The following CPQ variants were observed in gnomAD, a reference collection of about 807,000 sequenced individuals.
CPQ encodes carboxypeptidase Q.
Under a neutral mutation model 45.7 loss-of-function variants are expected in CPQ, and 37 were observed. The ratio of observed to expected loss-of-function variants is 0.81; its 90% CI spans 0.62 to 1.07. The LOEUF (loss-of-function observed/expected upper bound fraction) is 1.07. Ranked by LOEUF, CPQ falls within the 50% of genes least tolerant of loss-of-function variation. The probability of loss-of-function intolerance (pLI) is 0.00; values close to 1 mark genes in which losing one functional copy is unlikely to be tolerated. For missense variants in CPQ, 537 were observed against 572.9 expected (o/e 0.94, Z 0.64); for synonymous variants, 186 against 205.8 (o/e 0.90, Z 0.82).
At chr8:96,908,107 C>CGTGTGTGTGTGT (rs35548556) in intron 4 of CPQ, among the ~76,000 whole-genome samples, 5 of 145,816 alleles carry the variant, frequency 3.4e-5, no homozygotes, top group African/African-American at 7.6e-5. Context: ...CCCACTGCAA[C>CGTGTGTGTGTGT]GTGTGTGTGT....
intron 1 of CPQ, among the ~76,000 whole-genome samples, chr8:96,774,127 C>T (rs142353624): frequency 0.022 from 3,356 of 152,042 alleles, 135 homozygotes; most frequent in African/African-American, 0.077. Flanking sequence ...AAAAATTAGC[C>T]GGGCACAGTG....
intron 7 of CPQ, among the ~76,000 whole-genome samples, chr8:97,080,151 G>A (rs80129139): frequency 1.3e-5 from 2 of 152,100 alleles, no homozygotes; most frequent in Non-Finnish European, 1.5e-5. Flanking sequence ...CATTTTCTTC[G>A]ATGTTTTGCT....
chr8:97,100,352 A>G (rs1472142731), intron 7 of CPQ, among the ~76,000 whole-genome samples: 1 of 152,204 alleles, frequency 6.6e-6, no homozygotes, highest in Non-Finnish European at 1.5e-5. Flanking sequence ...AGAGCCATAG[A>G]GCTATAGACT....
chr8:97,037,435 A>T (rs1306372938), intron 6 of CPQ, among the ~76,000 whole-genome samples: 1 of 152,234 alleles, frequency 6.6e-6, no homozygotes, highest in African/African-American at 2.4e-5. Flanking sequence ...AGCCTTTCTT[A>T]TATCTTTAAT....
intron 2 of CPQ, among the ~76,000 whole-genome samples, chr8:96,834,169 G>T (rs1184770926): frequency 1.3e-5 from 2 of 152,160 alleles, no homozygotes; most frequent in Non-Finnish European, 2.9e-5. Context: ...AATTTTGAAT[G>T]ATTTCTTGGA....
intron 2 of CPQ, among the ~76,000 whole-genome samples, chr8:96,822,525 A>G (rs1362462236): frequency 3.3e-5 from 5 of 151,948 alleles, no homozygotes; most frequent in African/African-American, 7.2e-5. Context: ...TGGCATTCTC[A>G]ATTTACATTC....
chr8:97,132,955 A>C (rs1811981908), intron 7 of CPQ: 1 of 152,230 alleles, frequency 6.6e-6, no homozygotes, highest in Non-Finnish European at 1.5e-5. Flanking sequence ...ACAATTCAAA[A>C]TACAGTGGTA....
intron 3 of CPQ, among the ~76,000 whole-genome samples, chr8:96,845,438 A>G (rs1402267975): frequency 6.6e-6 from 1 of 152,246 alleles, no homozygotes. Context: ...AAGACAATAG[A>G]GAACCAATTA....
rs550622260 is a variant in CPQ at position 96,968,963 on chromosome 8, T to C, written c.961+2917T>C. ...GTCTGTGGTTTACTGGACTTGAAAC[T>C]GTTTATTTGAAATGTTATTTTCTGG... On this transcript the variant is annotated intron_variant, in intron 5 of 7. Transcript: ENST00000220763. Among the ~76,000 whole-genome samples the C allele has an allele frequency of 2.0e-4, 31 of 152,358 alleles. 2 individuals carry two copies. In the South Asian group the frequency reaches 4.3e-3, roughly 21 times the overall value.
At position 96,907,184 on chromosome 8, in the gene CPQ, A is replaced by G. The variant is rs182954181; in HGVS notation, c.849+27179A>G. Among the ~76,000 whole-genome samples, 598 of 152,330 alleles carry G rather than the reference A, an allele frequency of 3.9e-3. 9 individuals are homozygous for G. The highest frequency in any genetic ancestry group is 4.4e-3 in the Non-Finnish European group (301 of 68,032). ...TAACAAAGAAGTTTATTTACTGCTC[A>G]TGTAGCAATCCTGGTATGAGTAGTC... On this transcript the variant is annotated intron_variant, in intron 4 of 7. Coordinates refer to ENST00000220763, the MANE Select transcript of CPQ (RefSeq NM_016134.4).
In CPQ at chr8:96,835,118, A is replaced by T. The variant is rs200399591; in HGVS notation, c.579A>T (p.Glu193Asp). The change falls in exon 3 of 8, where the codon GAA becomes GAT. Residue 193 changes from glutamate to aspartate, a missense_variant. Transcript: ENST00000220763. ...TVQYRTQGAV[E>D]AAKVGALASL... Reference sequence around the variant, plus strand: ...AATACCGAACGCAGGGGGCGGTGGAAGCTGCCAAGGTGGGGGCTTTGGCAT... The same window carrying T: ...AATACCGAACGCAGGGGGCGGTGGATGCTGCCAAGGTGGGGGCTTTGGCAT... 1.0e-5 allele frequency: 16 copies of T among 1,594,124 alleles called. No homozygotes were observed. In the African/African-American group the frequency reaches 2.2e-4, roughly 22 times the overall value.
intron 6 of CPQ, among the ~76,000 whole-genome samples, chr8:97,036,303 T>TA (rs1310739188): frequency 2.0e-5 from 3 of 152,276 alleles, no homozygotes; most frequent in Admixed American, 6.5e-5. Context: ...GAGGTTATTC[T>TA]AGGGAGAGGG....
intron 1 of CPQ, among the ~76,000 whole-genome samples, chr8:96,769,036 A>C (rs2130796978): frequency 6.6e-6 from 1 of 152,304 alleles, no homozygotes; most frequent in South Asian, 2.1e-4. Context: ...CTCCAACTTT[A>C]TAGTTTTCTG....
chr8:96,794,682 C>G (rs1412842278), intron 2 of CPQ, among the ~76,000 whole-genome samples: 1 of 152,170 alleles, frequency 6.6e-6, no homozygotes, highest in Non-Finnish European at 1.5e-5. Flanking sequence ...TGCTCTGCTT[C>G]CCTTATAAAA....
chr8:96,648,763 G>A (rs1381264274), intron 1 of CPQ, among the ~76,000 whole-genome samples: 1 of 152,030 alleles, frequency 6.6e-6, no homozygotes, highest in East Asian at 1.9e-4. Flanking sequence ...GTGTTTTAAA[G>A]CCTAAAGACC....
chr8:96,882,380 A>G (rs1812237148), intron 4 of CPQ, among the ~76,000 whole-genome samples: 1 of 152,268 alleles, frequency 6.6e-6, no homozygotes, highest in African/African-American at 2.4e-5. Context: ...GATGCTAAAT[A>G]GTCAGATGCC....
At chr8:96,877,078 A>G (rs1238462279) in intron 3 of CPQ, among the ~76,000 whole-genome samples, 10 of 152,182 alleles carry the variant, frequency 6.6e-5, no homozygotes, top group African/African-American at 2.4e-4. Flanking sequence ...TATAAATTGC[A>G]GAAGGGGCTT....
At chr8:96,681,683 G>C (rs1012469187) in intron 1 of CPQ, among the ~76,000 whole-genome samples, 1 of 152,154 alleles carries the variant, frequency 6.6e-6, no homozygotes, top group Non-Finnish European at 1.5e-5. Flanking sequence ...CAGACTGATA[G>C]ATCCACTGAT....
At chr8:96,974,688 A>G (rs1262773134) in intron 5 of CPQ, among the ~76,000 whole-genome samples, 1 of 152,180 alleles carries the variant, frequency 6.6e-6, no homozygotes, top group Non-Finnish European at 1.5e-5. Context: ...GTGGAATAAA[A>G]TTCGAAATCA....
Sources: gnomAD v4.1 joint callset for allele counts (sites outside exome capture counted in the v4.1 genomes callset) on GRCh38, gnomAD v4.1.1 for gene constraint, MANE v1.5 for transcripts, NCBI Gene and HGNC (gene_info 2026-07-23, HGNC 2026-07-21) for gene names.